Variants in KIRREL3 observed in about 807,000 individuals in gnomAD.
KIRREL3 encodes the protein kin of IRRE-like protein 3.
In KIRREL3, 36 loss-of-function variants were observed where a neutral mutation model predicts 89.7. That is an observed-to-expected ratio of 0.40 (90% CI 0.31 to 0.53). The LOEUF (loss-of-function observed/expected upper bound fraction) is 0.53, where lower values mean the gene tolerates loss of function less well. Among genes scored for constraint, KIRREL3 ranks in the 20% least tolerant of loss-of-function variants. The probability of loss-of-function intolerance (pLI) is 0.49; values close to 1 mark genes in which losing one functional copy is unlikely to be tolerated. For missense variants in KIRREL3, 864 were observed against 1,056.6 expected, an observed-to-expected ratio of 0.82 and a Z score of 2.53; for synonymous variants, 445 against 441.4, an observed-to-expected ratio of 1.01 and a Z score of -0.10.
rs1254215895 is a variant in KIRREL3, at chr11:126,555,219, C to T, written c.133+7616G>A. On this transcript the variant is annotated intron_variant, in intron 2 of 16. Coordinates refer to ENST00000525144, the MANE Select transcript of KIRREL3 (RefSeq NM_032531.4). The surrounding 1 kb of genome is among the most constrained non-coding windows in gnomAD (Gnocchi z 4.2). ...TGGCCGGTTCCAGCGTTCATTCCCT[C>T]TGGTTCCTGCACTTGCTTGCTCACA... is the stretch of plus-strand genomic sequence containing the variant. Among the ~76,000 whole-genome samples the T allele has an allele frequency of 6.6e-6, 1 of 152,178 alleles. No homozygotes were observed.
Position 126,686,549 on chromosome 11 carries a change from A to T in KIRREL3, c.56-123637T>A, listed in dbSNP as rs1057427374. 2.0e-5 allele frequency among the ~76,000 whole-genome samples: 3 copies of T among 152,096 alleles called. No individual in the cohort carries two copies. Among genetic ancestry groups the T allele is most frequent in the Admixed American group, 6.5e-5 (1 of 15,268 alleles). On this transcript the variant is annotated intron_variant, in intron 1 of 16. Transcript: ENST00000525144. This position sits in a 1 kb window ranked among gnomAD's most constrained non-coding sequence, Gnocchi z 4.7. Reference sequence around the variant, plus strand: ...GGGGAGGGACTGTGCGTTCCTGCGCATGTTACCCTACACTGAATTTTATTT... The same window carrying T: ...GGGGAGGGACTGTGCGTTCCTGCGCTTGTTACCCTACACTGAATTTTATTT...
intron 4 of KIRREL3, among the ~76,000 whole-genome samples, chr11:126,507,315 A>G (rs1363772711): frequency 6.6e-6 from 1 of 152,196 alleles, no homozygotes; most frequent in African/African-American, 2.4e-5. Context: ...ATTGAGTTGT[A>G]CACTTAAAAT....
In KIRREL3 at chr11:126,989,717, A is replaced by G. The variant is rs1949969385; in HGVS notation, c.55+10738T>C. ...AAGGCATGACGAAGTCTTAGGGCCA[A>G]CAGGGGAACGAAGTCTTAGGGCCAA... is the stretch of plus-strand genomic sequence containing the variant. On this transcript the variant is annotated intron_variant, in intron 1 of 16. Coordinates refer to ENST00000525144, the MANE Select transcript of KIRREL3 (RefSeq NM_032531.4). The surrounding 1 kb of genome is among the most constrained non-coding windows in gnomAD (Gnocchi z 6.2). Among the ~76,000 whole-genome samples, 1 of 152,172 alleles carries G rather than the reference A, an allele frequency of 6.6e-6. No individual in the cohort carries two copies. The highest frequency in any genetic ancestry group is 1.5e-5 in the Non-Finnish European group (1 of 68,024).
intron 4 of KIRREL3, among the ~76,000 whole-genome samples, chr11:126,479,130 T>C (rs1287228331): frequency 6.6e-6 from 1 of 152,124 alleles, no homozygotes; most frequent in Non-Finnish European, 1.5e-5. Context: ...GGTTCTTTGA[T>C]TTTGTTCTGC....
At chr11:126,824,648 T>C (rs1193616046) in intron 1 of KIRREL3, among the ~76,000 whole-genome samples, 4 of 152,236 alleles carry the variant, frequency 2.6e-5, no homozygotes, top group Admixed American at 2.0e-4. Flanking sequence ...GACAAATGGT[T>C]GCATTATTTT....
intron 1 of KIRREL3, among the ~76,000 whole-genome samples, chr11:126,713,946 G>A (rs1037683097): frequency 4.6e-5 from 7 of 152,202 alleles, no homozygotes; most frequent in Non-Finnish European, 1.0e-4. Context: ...GCTAAGGACT[G>A]CAGACCAAAT....
In KIRREL3 at chr11:126,768,178, C is replaced by T. The variant is rs1046224557; in HGVS notation, c.56-205266G>A. Among the ~76,000 whole-genome samples, 1 of 72,676 alleles carries T rather than the reference C, an allele frequency of 1.4e-5. No individual in the cohort carries two copies. The highest frequency in any genetic ancestry group is 1.7e-4 in the Admixed American group (1 of 5,868). The allele number at this position is 72,676 out of a possible 152,430, so 47.7% of individuals were successfully genotyped here. ...CATCCATCCATCCATCCAATCCATC[C>T]ATCCATCCATCCATCCATCCATCCA... On this transcript the variant is annotated intron_variant, in intron 1 of 16. Transcript: ENST00000525144. The surrounding 1 kb of genome is among the most constrained non-coding windows in gnomAD (Gnocchi z 4.5).
At chr11:126,572,615 A>G (rs1941019824) in intron 1 of KIRREL3, among the ~76,000 whole-genome samples, 2 of 151,870 alleles carry the variant, frequency 1.3e-5, no homozygotes, top group African/African-American at 4.8e-5. Flanking sequence ...AGTCACAGGC[A>G]TCACTGTCAG....
rs989618430 is a variant in KIRREL3, at chr11:126,704,681, T to C, written c.56-141769A>G. ...TTGTGGCTAAGTGAGGAAGTCTGAG[T>C]CTCTCCTGATGCCCACGCTTCCAGG... On this transcript the variant is annotated intron_variant, in intron 1 of 16. Coordinates refer to ENST00000525144, the MANE Select transcript of KIRREL3 (RefSeq NM_032531.4). This position sits in a 1 kb window ranked among gnomAD's most constrained non-coding sequence, Gnocchi z 4.2. 1.3e-5 allele frequency among the ~76,000 whole-genome samples: 2 copies of C among 152,168 alleles called. No individual in the cohort carries two copies. The highest frequency in any genetic ancestry group is 4.8e-5 in the African/African-American group (2 of 41,422).
In KIRREL3 at chr11:126,989,592, A is replaced by C. The variant is rs965572850; in HGVS notation, c.55+10863T>G. On this transcript the variant is annotated intron_variant, in intron 1 of 16. Transcript: ENST00000525144. This position sits in a 1 kb window ranked among gnomAD's most constrained non-coding sequence, Gnocchi z 6.2. ...TCCTTCATTCTATTCCCGCTATCTT[A>C]GTTCACGCTGCCTGTGGATCAACTC... Among the ~76,000 whole-genome samples, 28 of 152,188 alleles carry C rather than the reference A, an allele frequency of 1.8e-4. No individual in the cohort carries two copies. The highest frequency in any genetic ancestry group is 6.8e-4 in the African/African-American group (28 of 41,438).
intron 1 of KIRREL3, among the ~76,000 whole-genome samples, chr11:126,713,243 G>A (rs553953465): frequency 6.6e-6 from 1 of 152,326 alleles, no homozygotes; most frequent in South Asian, 2.1e-4. Flanking sequence ...GAGGCTCCAT[G>A]CAGAGGTCAC....
intron 4 of KIRREL3, among the ~76,000 whole-genome samples, chr11:126,517,500 T>G (rs1958457793): frequency 1.3e-5 from 2 of 151,776 alleles, no homozygotes; most frequent in African/African-American, 4.8e-5. Context: ...GAGGGGTGGT[T>G]GGGGGGGATC....
In KIRREL3 at chr11:126,677,701, C is replaced by G. The variant is rs950232596; in HGVS notation, c.56-114789G>C. Among the ~76,000 whole-genome samples, 4 of 152,116 alleles carry G rather than the reference C, an allele frequency of 2.6e-5. No individual in the cohort carries two copies. Among genetic ancestry groups the G allele is most frequent in the Non-Finnish European group, 4.4e-5 (3 of 68,012 alleles). The stretch of plus-strand genomic sequence containing the variant: ...CACCAGCAGCTCGCACGAGTGGGTC[C>G]TCCCAGAATGAGTCCAGGGGAGCCC... On this transcript the variant is annotated intron_variant, in intron 1 of 16. Transcript: ENST00000525144. The surrounding 1 kb of genome is among the most constrained non-coding windows in gnomAD (Gnocchi z 5.1).
rs1950368815 is a variant in KIRREL3 at position 126,782,799 on chromosome 11, G to T, written c.55+217656C>A. 6.6e-6 allele frequency among the ~76,000 whole-genome samples: 1 copy of T among 152,162 alleles called. No homozygotes were observed. Among genetic ancestry groups the T allele is most frequent in the African/African-American group, 2.4e-5 (1 of 41,438 alleles). On this transcript the variant is annotated intron_variant, in intron 1 of 16. Transcript: ENST00000525144. This position sits in a 1 kb window ranked among gnomAD's most constrained non-coding sequence, Gnocchi z 4.1. ...TATTTATAGCTATGTATATGTGAGG[G>T]CTAATATACACACAGATATTTCCCA...
intron 7 of KIRREL3, among the ~76,000 whole-genome samples, chr11:126,451,654 G>T (rs1464909175): frequency 6.6e-6 from 1 of 151,866 alleles, no homozygotes; most frequent in Admixed American, 6.6e-5. Flanking sequence ...GTATGGGCGT[G>T]TGCATGTGTG....
rs1462250664 is a variant in KIRREL3, at chr11:126,525,078, A to G, written c.283+1460T>C. ...CAGGTACCAGTCCTGGATCCCAGAA[A>G]GCCATTCATGGCACTGGATGCTAGA... On this transcript the variant is annotated intron_variant, in intron 3 of 16. Coordinates refer to ENST00000525144, the MANE Select transcript of KIRREL3 (RefSeq NM_032531.4). The surrounding 1 kb of genome is among the most constrained non-coding windows in gnomAD (Gnocchi z 5.4). Among the ~76,000 whole-genome samples the G allele has an allele frequency of 6.6e-6, 1 of 152,152 alleles. No individual in the cohort carries two copies. Among genetic ancestry groups the G allele is most frequent in the East Asian group, 1.9e-4 (1 of 5,202 alleles).
chr11:126,922,206 G>C (rs1947378746), intron 1 of KIRREL3, among the ~76,000 whole-genome samples: 1 of 150,712 alleles, frequency 6.6e-6, no homozygotes, highest in South Asian at 2.1e-4. Context: ...TTCCTCCAGT[G>C]AGCCCTGGCT....
At chr11:126,963,308 C>CGT (rs1555107757) in intron 1 of KIRREL3, among the ~76,000 whole-genome samples, 3 of 71,222 alleles carry the variant, frequency 4.2e-5, no homozygotes, top group African/African-American at 1.8e-4. Flanking sequence ...ACAGAACACA[C>CGT]ATACACACAC....
rs1330543143 is a variant in KIRREL3, at chr11:126,441,340, A to G, written c.1253-791T>C. ...ATTCACCACATTGCACAGCCAAGAG[A>G]GTTCACCTGGTGGAGGGGAGCCTGT... is the stretch of plus-strand genomic sequence containing the variant. On this transcript the variant is annotated intron_variant, in intron 10 of 16. Transcript: ENST00000525144. The surrounding 1 kb of genome is among the most constrained non-coding windows in gnomAD (Gnocchi z 5.0). Among the ~76,000 whole-genome samples, 1 of 152,194 alleles carries G rather than the reference A, an allele frequency of 6.6e-6. No homozygotes were observed. The highest frequency in any genetic ancestry group is 1.5e-5 in the Non-Finnish European group (1 of 68,022).
Sources: allele counts gnomAD v4.1 joint callset (sites outside exome capture counted in the v4.1 genomes callset), GRCh38; gene constraint gnomAD v4.1.1; non-coding constraint Gnocchi (gnomAD v3.1); transcripts MANE v1.5; gene names NCBI Gene and HGNC (gene_info 2026-07-23, HGNC 2026-07-21).